Variants in GRHL2 observed in about 807,000 individuals in gnomAD.
GRHL2 encodes grainyhead-like protein 2 homolog.
GRHL2 carries 21 observed loss-of-function variants against 83.8 expected under a neutral mutation model. That is an observed-to-expected ratio of 0.25 (90% CI 0.18 to 0.36). GRHL2 has a LOEUF of 0.36. Ranked by LOEUF, GRHL2 falls within the 10% of genes least tolerant of loss-of-function variation. The pLI is 1.00. For synonymous variants in GRHL2, 280 were observed against 278.9 expected (o/e 1.00, Z -0.04); for missense variants, 623 against 781.8 (o/e 0.80, Z 2.42).
intron 8 of GRHL2, among the ~76,000 whole-genome samples, chr8:101,618,982 G>A (rs927081397): frequency 6.6e-6 from 1 of 152,108 alleles, no homozygotes; most frequent in Non-Finnish European, 1.5e-5. Context: ...GGCCAGGCAC[G>A]GTGGCTCACG....
chr8:101,562,841 C>G (rs1693481960), intron 4 of GRHL2, among the ~76,000 whole-genome samples: 1 of 152,116 alleles, frequency 6.6e-6, no homozygotes, highest in Non-Finnish European at 1.5e-5. Flanking sequence ...CCCACCTAGG[C>G]CAATAAAAGA....
At chr8:101,664,032 A>T (rs1813986835) in intron 14 of GRHL2, among the ~76,000 whole-genome samples, 1 of 152,206 alleles carries the variant, frequency 6.6e-6, no homozygotes, top group Admixed American at 6.5e-5. Context: ...TGTCCAAAAA[A>T]TTAACTCATG....
intron 4 of GRHL2, among the ~76,000 whole-genome samples, chr8:101,563,670 G>A (rs1320951759): frequency 6.6e-6 from 1 of 151,704 alleles, no homozygotes; most frequent in Non-Finnish European, 1.5e-5. Context: ...ATCTTTCTTA[G>A]CTTCCTGCAT....
intron 1 of GRHL2, among the ~76,000 whole-genome samples, chr8:101,526,417 T>C (rs1810803570): frequency 6.6e-6 from 1 of 152,172 alleles, no homozygotes; most frequent in Non-Finnish European, 1.5e-5. Flanking sequence ...TTAATGTGCT[T>C]CATGATACAT....
intron 1 of GRHL2, among the ~76,000 whole-genome samples, chr8:101,501,896 G>C (rs1313864792): frequency 6.6e-6 from 1 of 150,658 alleles, no homozygotes; most frequent in Non-Finnish European, 1.5e-5. Flanking sequence ...TTTTTTTTAA[G>C]AAAGATTGAG....
intron 3 of GRHL2, 113 bp from the exon 4 acceptor site, chr8:101,558,306 C>A: frequency 1.6e-6 from 2 of 1,270,862 alleles, no homozygotes; most frequent in Non-Finnish European, 2.3e-6. Context: ...AGCCCCCTGT[C>A]CCTTAATGGC....
At chr8:101,495,421 G>A (rs971046861) in intron 1 of GRHL2, among the ~76,000 whole-genome samples, 1 of 152,188 alleles carries the variant, frequency 6.6e-6, no homozygotes, top group Non-Finnish European at 1.5e-5. Flanking sequence ...CAGTGTTGAT[G>A]CTATCGCCAA....
chr8:101,648,728 T>A (rs1218163481), intron 13 of GRHL2, among the ~76,000 whole-genome samples: 1 of 152,174 alleles, frequency 6.6e-6, no homozygotes, highest in African/African-American at 2.4e-5. Context: ...AAGTTTGTTA[T>A]CTGCCTGGAG....
chr8:101,616,168 C>T (rs1328380369), intron 8 of GRHL2, among the ~76,000 whole-genome samples: 1 of 143,916 alleles, frequency 6.9e-6, no homozygotes, highest in African/African-American at 2.6e-5. Context: ...TCCTTCCTTT[C>T]TCTCTCTCTC....
rs1229778954 is a variant in GRHL2, at chr8:101,604,856, T to A, written c.1098+5705T>A. On this transcript the variant is annotated intron_variant, in intron 8 of 15. Transcript: ENST00000646743. ...TGATTTTTAGAAAAGTCTATTATAATTCAATAATATGAAACTCTGATCTCC... is the reference window on the plus strand; with the variant it reads ...TGATTTTTAGAAAAGTCTATTATAAATCAATAATATGAAACTCTGATCTCC... Among the ~76,000 whole-genome samples, 5 of 152,322 alleles carry A rather than the reference T, an allele frequency of 3.3e-5. No homozygotes were observed. The South Asian group carries it at 1.0e-3, about 32-fold the overall frequency.
rs7002889 is a variant in GRHL2, at chr8:101,591,900, C to T, written c.1004-7157C>T. Among the ~76,000 whole-genome samples, 775 of 152,166 alleles carry T rather than the reference C, an allele frequency of 5.1e-3. 12 individuals are homozygous for T. Among genetic ancestry groups the T allele is most frequent in the East Asian group, 0.047 (241 of 5,172 alleles). On this transcript the variant is annotated intron_variant, in intron 7 of 15. Coordinates refer to ENST00000646743, the MANE Select transcript of GRHL2 (RefSeq NM_024915.4). Reference sequence around the variant, plus strand: ...GGATAGAGTGTTTCAGGATGAGCTTCCAGGCATAAGAATAAGTAGACATCC... The same window carrying T: ...GGATAGAGTGTTTCAGGATGAGCTTTCAGGCATAAGAATAAGTAGACATCC...
intron 14 of GRHL2, among the ~76,000 whole-genome samples, chr8:101,660,771 C>T (rs1424256643): frequency 6.6e-6 from 1 of 152,180 alleles, no homozygotes. Flanking sequence ...ATTTTCTCCA[C>T]CAGTGCCTTC....
chr8:101,549,140 T>C (rs1341958090), intron 2 of GRHL2, among the ~76,000 whole-genome samples: 1 of 109,436 alleles, frequency 9.1e-6, no homozygotes, highest in Non-Finnish European at 1.9e-5. Context: ...GGTGGTAGTG[T>C]GGGGGTAGGA....
chr8:101,574,895 CAAT>C (rs1176590561), intron 6 of GRHL2, among the ~76,000 whole-genome samples: 4 of 152,204 alleles, frequency 2.6e-5, no homozygotes, highest in Non-Finnish European at 5.9e-5. Flanking sequence ...AAACTGACAA[CAAT>C]CCTATGAAAA....
At chr8:101,623,119 G>A (rs1471648454) in intron 9 of GRHL2, among the ~76,000 whole-genome samples, 5 of 152,250 alleles carry the variant, frequency 3.3e-5, no homozygotes, top group Admixed American at 3.3e-4. Context: ...AGAAAGCAGA[G>A]ATGGTAAGGA....
At chr8:101,646,584 G>A (rs1018046566) in intron 13 of GRHL2, among the ~76,000 whole-genome samples, 2 of 152,208 alleles carry the variant, frequency 1.3e-5, no homozygotes, top group Non-Finnish European at 2.9e-5. Flanking sequence ...ACAAATAGGG[G>A]AATAAGGCTC....
chr8:101,635,359 G>A (rs959154079), intron 11 of GRHL2, among the ~76,000 whole-genome samples: 1 of 152,198 alleles, frequency 6.6e-6, no homozygotes, highest in Non-Finnish European at 1.5e-5. Flanking sequence ...TATGGGCAAG[G>A]AGGAGAAATG....
intron 1 of GRHL2, among the ~76,000 whole-genome samples, chr8:101,524,815 T>A (rs1211529448): frequency 6.6e-6 from 1 of 152,196 alleles, no homozygotes; most frequent in Non-Finnish European, 1.5e-5. Flanking sequence ...AAATCCAGTT[T>A]GAAAGTATTT....
At chr8:101,538,098 G>C (rs1190330437) in intron 1 of GRHL2, among the ~76,000 whole-genome samples, 3 of 152,190 alleles carry the variant, frequency 2.0e-5, no homozygotes, top group Non-Finnish European at 4.4e-5. Context: ...GACGGGCACT[G>C]TCCTAGTTTT....
Sources: gnomAD v4.1 joint callset for allele counts (sites outside exome capture counted in the v4.1 genomes callset) on GRCh38, gnomAD v4.1.1 for gene constraint, MANE v1.5 for transcripts, NCBI Gene and HGNC (gene_info 2026-07-23, HGNC 2026-07-21) for gene names.